MAN1C1: variants seen among roughly 807,000 people sequenced by gnomAD.
MAN1C1 encodes the protein mannosidase alpha class 1C member 1.
Under a neutral mutation model 71.5 loss-of-function variants are expected in MAN1C1, and 49 were observed. The ratio of observed to expected loss-of-function variants is 0.69; its 90% CI spans 0.54 to 0.87. MAN1C1 has a LOEUF of 0.87. MAN1C1 is among the 40% of genes least tolerant of loss of function. MAN1C1 has a pLI of 0.00. For synonymous variants in MAN1C1, 352 were observed against 343.7 expected, an observed-to-expected ratio of 1.02 and a Z score of -0.27; for missense variants, 743 against 835.0, an observed-to-expected ratio of 0.89 and a Z score of 1.36.
At chr1:25,749,439 G>C (rs2047182770) in intron 4 of MAN1C1, 104 bp downstream of exon 4, 2 of 1,063,516 alleles carry the variant, frequency 1.9e-6, no homozygotes, top group South Asian at 1.7e-5. Flanking sequence ...GGGACTTAAG[G>C]GGGCAGGGAT....
chr1:25,767,646 T>C (rs200648831), intron 7 of MAN1C1, among the ~76,000 whole-genome samples: 24 of 75,824 alleles, frequency 3.2e-4, no homozygotes, highest in East Asian at 4.8e-4. Flanking sequence ...CATTACACAC[T>C]CCCCCCACAC....
At chr1:25,749,379 G>A (rs1178592800) in intron 4 of MAN1C1, 44 bp downstream of exon 4, 1 of 1,486,524 alleles carries the variant, frequency 6.7e-7, no homozygotes, top group Non-Finnish European at 9.3e-7. Context: ...AGGCTGGAAA[G>A]GGCTTTGGAG....
rs2046973600 is a variant in MAN1C1 at position 25,735,663 on chromosome 1, G to A, written c.638-11005G>A. Among the ~76,000 whole-genome samples the A allele has an allele frequency of 6.6e-6, 1 of 152,158 alleles. No homozygotes were observed. The highest frequency in any genetic ancestry group is 1.5e-5 in the Non-Finnish European group (1 of 68,030). ...AGAGGCAGACCACAGTGTTGTTTGT[G>A]ACTGCAGATAGGCTGGAATTTGGTT... On this transcript the variant is annotated intron_variant, in intron 2 of 11. Transcript: ENST00000374332. The surrounding 1 kb of genome is among the most constrained non-coding windows in gnomAD (Gnocchi z 4.6).
At chr1:25,666,889 A>C (rs1286433961) in intron 1 of MAN1C1, among the ~76,000 whole-genome samples, 6 of 152,156 alleles carry the variant, frequency 3.9e-5, no homozygotes, top group African/African-American at 1.4e-4. Context: ...AGGTTTTGAA[A>C]CACCTGTCAT....
chr1:25,767,273 T>C (rs1472378715), intron 7 of MAN1C1, among the ~76,000 whole-genome samples: 1 of 93,734 alleles, frequency 1.1e-5, no homozygotes, highest in East Asian at 3.8e-4. Flanking sequence ...ACACACACAT[T>C]ACACACTACA....
intron 1 of MAN1C1, chr1:25,644,459 T>A (rs1228195263): frequency 1.4e-5 from 2 of 143,812 alleles, no homozygotes; most frequent in African/African-American, 5.4e-5. Context: ...TTGTTGGAAA[T>A]ATGGGCTTAG....
rs568092076 is a variant in MAN1C1, at chr1:25,741,530, G to A, written c.638-5138G>A. 3.9e-5 allele frequency among the ~76,000 whole-genome samples: 6 copies of A among 152,302 alleles called. No individual in the cohort carries two copies. In the East Asian group the frequency reaches 5.8e-4, roughly 15 times the overall value. ...CCAGCCTGGCTCCTGCCCTCCTGCC[G>A]TCCCACTGTGGGGAGGACACAGATG... On this transcript the variant is annotated intron_variant, in intron 2 of 11. Transcript: ENST00000374332.
Position 25,763,900 on chromosome 1 carries a change from G to A in MAN1C1, c.1074G>A (p.Arg358=), listed in dbSNP as rs777242475. 6 of 1,613,834 alleles carry A rather than the reference G, an allele frequency of 3.7e-6. No homozygotes were observed. ...TCAGGAACATCCGCAAGGTCCTCAG[G>A]AAGATCGAAAAGCCCTTTGGCCTCT... The part of the protein sequence containing the change: ...EKVRNIRKVL[R]KIEKPFGLYP... The change falls in exon 7 of 12, where the codon AGG becomes AGA. Residue 358 remains arginine, a synonymous_variant. Coordinates refer to ENST00000374332, the MANE Select transcript of MAN1C1 (RefSeq NM_020379.4).
At chr1:25,724,356 TTG>T (rs2046806309) in intron 2 of MAN1C1, among the ~76,000 whole-genome samples, 1 of 152,166 alleles carries the variant, frequency 6.6e-6, no homozygotes, top group African/African-American at 2.4e-5. Context: ...GGGCTCACCC[TTG>T]TGCCTGGGGG....
At chr1:25,712,875 C>A (rs189959640) in intron 2 of MAN1C1, among the ~76,000 whole-genome samples, 7 of 152,206 alleles carry the variant, frequency 4.6e-5, no homozygotes, top group East Asian at 1.9e-4. Context: ...AGTGCCAAGA[C>A]CCCAGCTGGA....
At chr1:25,644,914 G>A (rs2045592524) in intron 1 of MAN1C1, 1 of 152,184 alleles carries the variant, frequency 6.6e-6, no homozygotes, top group East Asian at 1.9e-4. Flanking sequence ...TGGAAAGGGA[G>A]AGGGCTCAGA....
rs2046817203 is a variant in MAN1C1 at position 25,725,292 on chromosome 1, C to T, written c.638-21376C>T. ...TCATTCAGAGGCTTTTCTAGGCCAG[C>T]TCTGGGATGGATGCTAGAGATGCAA... is the stretch of plus-strand genomic sequence containing the variant. On this transcript the variant is annotated intron_variant, in intron 2 of 11. Transcript: ENST00000374332. This position sits in a 1 kb window ranked among gnomAD's most constrained non-coding sequence, Gnocchi z 4.8. 6.6e-6 allele frequency among the ~76,000 whole-genome samples: 1 copy of T among 152,192 alleles called. No individual in the cohort carries two copies. The highest frequency in any genetic ancestry group is 2.1e-4 in the South Asian group (1 of 4,834).
At chr1:25,618,976 G>C (rs1318516989) in intron 1 of MAN1C1, among the ~76,000 whole-genome samples, 2 of 152,206 alleles carry the variant, frequency 1.3e-5, no homozygotes, top group African/African-American at 2.4e-5. Context: ...TGATAAAGCA[G>C]TGGTCATATT....
chr1:25,782,469 G>C lies in MAN1C1; in HGVS notation c.1651-116G>C. 1.5e-6 allele frequency: 1 copy of C among 656,108 alleles called. No homozygotes were observed. The highest frequency in any genetic ancestry group is 2.7e-6 in the Non-Finnish European group (1 of 365,190). The allele number at this position is 656,108 out of a possible 1,614,324, so 40.6% of individuals were successfully genotyped here. A position where few individuals can be genotyped will look rare whatever the true frequency, so the allele number is the denominator to read the frequency against. The stretch of plus-strand genomic sequence containing the variant: ...AAATGCCAGGAGTCCCCAGCCAAGG[G>C]GTGGGGGTGCTGTCTGCTTTCTTCT... On this transcript the variant is annotated intron_variant, in intron 10 of 11. Transcript: ENST00000374332. The surrounding 1 kb of genome is among the most constrained non-coding windows in gnomAD (Gnocchi z 4.4).
intron 2 of MAN1C1, among the ~76,000 whole-genome samples, chr1:25,697,106 G>A (rs546732038): frequency 6.6e-6 from 1 of 152,158 alleles, no homozygotes; most frequent in Middle Eastern, 3.4e-3. Flanking sequence ...TTCTGTTCCT[G>A]GACATTTTTA....
At chr1:25,714,301 TAC>T (rs1341440125) in intron 2 of MAN1C1, among the ~76,000 whole-genome samples, 1 of 152,188 alleles carries the variant, frequency 6.6e-6, no homozygotes, top group African/African-American at 2.4e-5. Context: ...CACAAACTAA[TAC>T]ACACTTTTAT....
intron 1 of MAN1C1, among the ~76,000 whole-genome samples, chr1:25,661,915 A>G (rs1286950247): frequency 1.3e-5 from 2 of 152,212 alleles, no homozygotes; most frequent in Non-Finnish European, 2.9e-5. Context: ...TATAAACTGT[A>G]AAGCCAAATG....
chr1:25,736,548 G>A (rs116412528), intron 2 of MAN1C1, among the ~76,000 whole-genome samples: 2,243 of 152,188 alleles, frequency 0.015, 51 homozygotes, highest in African/African-American at 0.051. Context: ...TGTTTTTGCA[G>A]CAGGGTCTTG....
At chr1:25,701,976 C>T (rs890973399) in intron 2 of MAN1C1, among the ~76,000 whole-genome samples, 2 of 152,182 alleles carry the variant, frequency 1.3e-5, no homozygotes, top group African/African-American at 4.8e-5. Flanking sequence ...AGGAGAATCG[C>T]TTGAACCTGA....
Sources: gnomAD v4.1 joint callset for allele counts (sites outside exome capture counted in the v4.1 genomes callset) on GRCh38, gnomAD v4.1.1 for gene constraint, Gnocchi (gnomAD v3.1) non-coding constraint, MANE v1.5 for transcripts, NCBI Gene and HGNC (gene_info 2026-07-23, HGNC 2026-07-21) for gene names.